Variants in ALDH1A3 observed in about 807,000 individuals in gnomAD.
ALDH1A3 encodes retinaldehyde dehydrogenase 3.
Under a neutral mutation model 57.5 loss-of-function variants are expected in ALDH1A3, and 28 were observed. The observed-to-expected ratio is 0.49, with a 90% CI of 0.36 to 0.67. The LOEUF is 0.67. Ranked by LOEUF, ALDH1A3 falls within the 30% of genes least tolerant of loss-of-function variation. ALDH1A3 has a pLI of 0.00. For missense variants in ALDH1A3, 507 were observed against 669.4 expected, an observed-to-expected ratio of 0.76 and a Z score of 2.68; for synonymous variants, 281 against 264.8, an observed-to-expected ratio of 1.06 and a Z score of -0.59.
intron 12 of ALDH1A3, among the ~76,000 whole-genome samples, chr15:100,909,690 G>A (rs2041864654): frequency 6.6e-6 from 1 of 152,136 alleles, no homozygotes; most frequent in Admixed American, 6.5e-5. Flanking sequence ...TAGATTAATG[G>A]GTGGAACTTC....
At chr15:100,911,552 G>A (rs917730857) in intron 12 of ALDH1A3, among the ~76,000 whole-genome samples, 2 of 152,202 alleles carry the variant, frequency 1.3e-5, no homozygotes, top group Non-Finnish European at 2.9e-5. Context: ...GAGCATCTTT[G>A]ATTCACCAGG....
intron 3 of ALDH1A3, among the ~76,000 whole-genome samples, chr15:100,890,058 C>T (rs1480211649): frequency 3.3e-5 from 5 of 152,202 alleles, no homozygotes; most frequent in Non-Finnish European, 2.9e-5. Context: ...CCCTGGATGG[C>T]TTTCCTTTGC....
Position 100,914,828 on chromosome 15 carries a change from A to T in ALDH1A3, c.*55A>T. Reference sequence around the variant, plus strand: ...CGGACGGCGGAATGTGGCAGATGAAATGTGCTGGAGGAAAAAAATGACATT... The same window carrying T: ...CGGACGGCGGAATGTGGCAGATGAATTGTGCTGGAGGAAAAAAATGACATT... On this transcript the variant is annotated 3_prime_UTR_variant, in exon 13 of 13. Transcript: ENST00000329841. 1.9e-6 allele frequency: 3 copies of T among 1,552,402 alleles called. No individual in the cohort carries two copies. The highest frequency in any genetic ancestry group is 2.7e-6 in the Non-Finnish European group (3 of 1,127,176).
At position 100,887,514 on chromosome 15, in the gene ALDH1A3, C is replaced by A; in HGVS notation, c.205-58C>A. The A allele has an allele frequency of 6.8e-7, 1 of 1,473,342 alleles. No homozygotes were observed. 91.3% of individuals were successfully genotyped at this position (1,473,342 alleles called of 1,614,324 possible). A position where few individuals can be genotyped will look rare whatever the true frequency, so the allele number is the denominator to read the frequency against. ...ACTTCAGTCACGTCAAAAGATGACA[C>A]CCAAACTGCAGTCACGTCAAAAGAT... On this transcript the variant is annotated intron_variant, in intron 2 of 12. Transcript: ENST00000329841. The surrounding 1 kb of genome is among the most constrained non-coding windows in gnomAD (Gnocchi z 4.6).
chr15:100,886,548 C>T (rs2141548895), intron 2 of ALDH1A3, among the ~76,000 whole-genome samples: 1 of 152,278 alleles, frequency 6.6e-6, no homozygotes, highest in African/African-American at 2.4e-5. Flanking sequence ...ACCCCCAAGC[C>T]AGCTCTGGAC....
intron 3 of ALDH1A3, among the ~76,000 whole-genome samples, chr15:100,891,655 A>G (rs1232732395): frequency 1.3e-5 from 2 of 152,134 alleles, no homozygotes; most frequent in Non-Finnish European, 2.9e-5. Context: ...TTCCTTTTTC[A>G]ATCACCATCT....
Position 100,907,132 on chromosome 15 carries a change from A to G in ALDH1A3, c.1245A>G (p.Pro415=). 1 of 1,612,884 alleles carries G rather than the reference A, an allele frequency of 6.2e-7. No individual in the cohort carries two copies. ...MRIAKEEIFG[P]VQPILKFKSI... ...GCAATTAATCATAGATTTTCGGGCC[A>G]GTGCAACCAATACTGAAGTTCAAAA... Residue 415 remains proline, a synonymous_variant, in exon 11 of 13, where the codon CCA becomes CCG. Coordinates refer to ENST00000329841, the MANE Select transcript of ALDH1A3 (RefSeq NM_000693.4).
At position 100,905,597 on chromosome 15, in the gene ALDH1A3, C is replaced by T. The variant is rs113661159; in HGVS notation, c.1143C>T (p.Cys381=). ...SGKKEGAKLE[C]GGSAMEDKGL... is the part of the protein sequence containing the mutation. ...AGAAGGAAGGGGCCAAGCTGGAATGCGGGGGCTCAGCCATGGAAGACAAGG... is the reference window on the plus strand; with the variant it reads ...AGAAGGAAGGGGCCAAGCTGGAATGTGGGGGCTCAGCCATGGAAGACAAGG... The change falls in exon 10 of 13, where the codon TGC becomes TGT. Residue 381 remains cysteine (C), a synonymous_variant. Coordinates refer to ENST00000329841, the MANE Select transcript of ALDH1A3 (RefSeq NM_000693.4). 382 of 1,613,698 alleles carry T rather than the reference C, an allele frequency of 2.4e-4. No homozygotes were observed. The highest frequency in any genetic ancestry group is 2.4e-4 in the Non-Finnish European group (289 of 1,179,904).
chr15:100,894,102 A>G lies in ALDH1A3; in HGVS notation c.666+20A>G. 6.2e-7 allele frequency: 1 copy of G among 1,612,990 alleles called. No individual in the cohort carries two copies. ...AAAGAGGTGAGACATCCAAAAAGAA[A>G]ATATCACATGTTCTTGGTAACATTC... On this transcript the variant is annotated intron_variant, in intron 6 of 12. Transcript: ENST00000329841. This position sits in a 1 kb window ranked among gnomAD's most constrained non-coding sequence, Gnocchi z 4.5.
intron 3 of ALDH1A3, chr15:100,888,983 G>A (rs1288456834): frequency 2.6e-5 from 4 of 152,200 alleles, no homozygotes; most frequent in African/African-American, 9.7e-5. Context: ...ATGAGGCTGA[G>A]CTGCCAAGGC....
At chr15:100,900,481 T>C in intron 8 of ALDH1A3, 94 bp from the exon 9 acceptor site, 2 of 1,167,466 alleles carry the variant, frequency 1.7e-6, no homozygotes, top group South Asian at 1.5e-5. Context: ...TTTTCTTGTG[T>C]GGGCAATTAG....
At chr15:100,886,380 A>T (rs2041594983) in intron 2 of ALDH1A3, among the ~76,000 whole-genome samples, 2 of 152,230 alleles carry the variant, frequency 1.3e-5, no homozygotes. Context: ...GAGGAGAACG[A>T]GACCCTTGCC....
intron 7 of ALDH1A3, 54 bp from the exon 8 acceptor site, chr15:100,898,029 G>C (rs1012902857): frequency 1.3e-6 from 2 of 1,552,262 alleles, no homozygotes; most frequent in African/African-American, 2.7e-5. Flanking sequence ...GTTTACGCCT[G>C]GGCCAAGTTC....
chr15:100,907,826 C>G (rs372190493), intron 11 of ALDH1A3, among the ~76,000 whole-genome samples: 1 of 122,896 alleles, frequency 8.1e-6, no homozygotes, highest in Non-Finnish European at 1.8e-5. Flanking sequence ...CCTGATTTTT[C>G]TTTTTCTTTC....
At chr15:100,883,123 C>T (rs918215485) in intron 1 of ALDH1A3, among the ~76,000 whole-genome samples, 5 of 151,984 alleles carry the variant, frequency 3.3e-5, no homozygotes, top group Non-Finnish European at 5.9e-5. Context: ...GTTTTCAGCC[C>T]CCTTATTTAT....
chr15:100,903,152 C>T (rs1245089462), intron 9 of ALDH1A3, among the ~76,000 whole-genome samples: 2 of 151,722 alleles, frequency 1.3e-5, no homozygotes, highest in Admixed American at 6.6e-5. Context: ...CCGCCCCTCC[C>T]GCCCCCACCT....
chr15:100,901,978 C>G (rs1190524039), intron 9 of ALDH1A3, among the ~76,000 whole-genome samples: 1 of 152,224 alleles, frequency 6.6e-6, no homozygotes, highest in African/African-American at 2.4e-5. Flanking sequence ...GCCTGTGCCC[C>G]AAACCCAGCG....
intron 1 of ALDH1A3, among the ~76,000 whole-genome samples, chr15:100,882,127 A>G (rs963895536): frequency 1.3e-5 from 2 of 152,216 alleles, no homozygotes; most frequent in Non-Finnish European, 2.9e-5. Context: ...CTATTTTCCA[A>G]AATTGACTCA....
At chr15:100,911,004 C>T (rs2041877878) in intron 12 of ALDH1A3, among the ~76,000 whole-genome samples, 1 of 152,246 alleles carries the variant, frequency 6.6e-6, no homozygotes, top group South Asian at 2.1e-4. Context: ...TTGGTGAGGA[C>T]TCACTGGACA....
Sources: allele counts gnomAD v4.1 joint callset (sites outside exome capture counted in the v4.1 genomes callset), GRCh38; gene constraint gnomAD v4.1.1; non-coding constraint Gnocchi (gnomAD v3.1); transcripts MANE v1.5; gene names NCBI Gene and HGNC (gene_info 2026-07-23, HGNC 2026-07-21).